FOXP2: variants seen among roughly 807,000 people sequenced by gnomAD.
FOXP2 encodes forkhead box P2, also known as forkhead box protein P2.
FOXP2 carries 12 observed loss-of-function variants against 115.8 expected under a neutral mutation model. The observed-to-expected ratio is 0.10, with a 90% CI of 0.07 to 0.17. The LOEUF (loss-of-function observed/expected upper bound fraction) is 0.17, where lower values mean the gene tolerates loss of function less well. Ranked by LOEUF, FOXP2 falls within the 10% of genes least tolerant of loss-of-function variation. FOXP2 has a pLI of 1.00. For synonymous variants in FOXP2, 328 were observed against 297.7 expected (o/e 1.10, Z -1.05); for missense variants, 629 against 843.5 (o/e 0.75, Z 3.15).
chr7:114,169,455 T>A (rs1247223386), intron 1 of FOXP2, among the ~76,000 whole-genome samples: 7 of 152,230 alleles, frequency 4.6e-5, no homozygotes, highest in Admixed American at 4.6e-4. Context: ...GTATCCACTT[T>A]GTTTTGGTCA....
intron 1 of FOXP2, among the ~76,000 whole-genome samples, chr7:114,106,583 A>G (rs958682245): frequency 6.6e-6 from 1 of 151,982 alleles, no homozygotes; most frequent in Non-Finnish European, 1.5e-5. Context: ...TCAGGCAGTT[A>G]TGTTACAAAC....
At chr7:114,575,320 T>A (rs1801517804) in intron 3 of FOXP2, among the ~76,000 whole-genome samples, 1 of 151,710 alleles carries the variant, frequency 6.6e-6, no homozygotes, top group South Asian at 2.1e-4. Context: ...AGATGTTGAG[T>A]CAGTATCTGT....
At chr7:114,329,614 G>T (rs1328658832) in intron 2 of FOXP2, among the ~76,000 whole-genome samples, 2 of 151,376 alleles carry the variant, frequency 1.3e-5, no homozygotes, top group African/African-American at 4.9e-5. Flanking sequence ...ACATATAATA[G>T]TGATACCGTG....
At chr7:114,382,060 A>G (rs1468244543) in intron 2 of FOXP2, among the ~76,000 whole-genome samples, 1 of 152,040 alleles carries the variant, frequency 6.6e-6, no homozygotes, top group Non-Finnish European at 1.5e-5. Flanking sequence ...CTAACAAGAG[A>G]GTGGGGCTTT....
chr7:114,539,716 A>G (rs1414937644), intron 3 of FOXP2, among the ~76,000 whole-genome samples: 1 of 152,060 alleles, frequency 6.6e-6, no homozygotes, highest in Non-Finnish European at 1.5e-5. Flanking sequence ...TTAAACTATG[A>G]TGATGTTTCT....
chr7:114,298,416 G>A (rs952591569), intron 2 of FOXP2, among the ~76,000 whole-genome samples: 5 of 152,036 alleles, frequency 3.3e-5, no homozygotes, highest in African/African-American at 1.2e-4. Flanking sequence ...CAGTCAGCAC[G>A]CTGAGCTTCA....
chr7:114,266,538 C>T (rs1812831021), intron 1 of FOXP2, among the ~76,000 whole-genome samples: 2 of 152,072 alleles, frequency 1.3e-5, no homozygotes, highest in African/African-American at 4.8e-5. Context: ...AAGTACCACA[C>T]ACTTATAAGC....
intron 2 of FOXP2, among the ~76,000 whole-genome samples, chr7:114,305,471 A>G (rs1323518769): frequency 6.6e-6 from 1 of 152,186 alleles, no homozygotes; most frequent in East Asian, 1.9e-4. Flanking sequence ...AGAGAAATAC[A>G]GAGGTAGAGT....
intron 3 of FOXP2, among the ~76,000 whole-genome samples, chr7:114,546,024 T>C (rs147540316): frequency 9.8e-5 from 15 of 152,334 alleles, no homozygotes; most frequent in Non-Finnish European, 1.5e-5. Context: ...CTTATTCATC[T>C]TCACATTTCC....
chr7:114,198,681 A>C (rs1440273703), intron 1 of FOXP2, among the ~76,000 whole-genome samples: 1 of 152,172 alleles, frequency 6.6e-6, no homozygotes, highest in Non-Finnish European at 1.5e-5. Flanking sequence ...ACGAACCAGT[A>C]CCGGTCTGTG....
At chr7:114,524,621 G>C (rs905227851) in intron 2 of FOXP2, among the ~76,000 whole-genome samples, 3 of 152,130 alleles carry the variant, frequency 2.0e-5, no homozygotes, top group African/African-American at 7.2e-5. Flanking sequence ...GTGATAAAAA[G>C]AGGGTGTTTT....
chr7:114,504,660 A>T (rs943851913), intron 2 of FOXP2, among the ~76,000 whole-genome samples: 1 of 151,724 alleles, frequency 6.6e-6, no homozygotes, highest in African/African-American at 2.4e-5. Context: ...AGTCATGCAG[A>T]GAATGTCATG....
At chr7:114,483,687 TC>T (rs1167113540) in intron 2 of FOXP2, among the ~76,000 whole-genome samples, 3 of 151,772 alleles carry the variant, frequency 2.0e-5, no homozygotes, top group Non-Finnish European at 3.0e-5. Context: ...TTGGTATCTT[TC>T]CTCTTTAACA....
intron 2 of FOXP2, among the ~76,000 whole-genome samples, chr7:114,293,882 C>T (rs1210723071): frequency 6.6e-6 from 1 of 152,032 alleles, no homozygotes; most frequent in Non-Finnish European, 1.5e-5. Context: ...CAGACTCATA[C>T]AAGATAATAA....
At chr7:114,613,114 C>A (rs1803720434) in intron 3 of FOXP2, among the ~76,000 whole-genome samples, 1 of 152,082 alleles carries the variant, frequency 6.6e-6, no homozygotes, top group African/African-American at 2.4e-5. Flanking sequence ...GAAAATATTT[C>A]TTTTTAAAAG....
chr7:114,276,233 G>A (rs757389618), intron 1 of FOXP2, among the ~76,000 whole-genome samples: 7 of 151,580 alleles, frequency 4.6e-5, no homozygotes, highest in East Asian at 1.9e-4. Flanking sequence ...ATCTCGGCTC[G>A]CTGTGAGCTC....
chr7:114,152,060 T>A (rs969201632), intron 1 of FOXP2, among the ~76,000 whole-genome samples: 2 of 152,096 alleles, frequency 1.3e-5, no homozygotes, highest in East Asian at 1.9e-4. Context: ...TTAAGGAATA[T>A]AAAGTAGCAG....
intron 2 of FOXP2, among the ~76,000 whole-genome samples, chr7:114,304,427 T>G (rs1423432880): frequency 6.6e-6 from 1 of 151,986 alleles, no homozygotes; most frequent in Non-Finnish European, 1.5e-5. Context: ...ATTCCAACAC[T>G]TTGGGAGGCC....
At chr7:114,281,682 C>A (rs1796340831) in intron 1 of FOXP2, among the ~76,000 whole-genome samples, 1 of 152,120 alleles carries the variant, frequency 6.6e-6, no homozygotes, top group Non-Finnish European at 1.5e-5. Context: ...GTATTTCCAA[C>A]TTGAAGCTAG....
Sources: allele counts gnomAD v4.1 joint callset (sites outside exome capture counted in the v4.1 genomes callset), GRCh38; gene constraint gnomAD v4.1.1; transcripts MANE v1.5; gene names NCBI Gene and HGNC (gene_info 2026-07-23, HGNC 2026-07-21).